The following COL6A6 variants were observed in gnomAD, a reference collection of about 807,000 sequenced individuals.
COL6A6 encodes the protein collagen type VI alpha 6 chain, also known as collagen alpha-6(VI) chain.
In COL6A6, 183 loss-of-function variants were observed where a neutral mutation model predicts 208.6. That is an observed-to-expected ratio of 0.88 (90% confidence interval 0.78 to 0.99). COL6A6 has a LOEUF of 0.99. Among genes scored for constraint, COL6A6 ranks in the 50% least tolerant of loss-of-function variants. COL6A6 has a pLI of 0.00. For synonymous variants in COL6A6, 973 were observed against 1,011.8 expected (o/e 0.96, Z 0.73); for missense variants, 2,816 against 2,815.2 (o/e 1.00, Z -0.01).
At chr3:130,658,826 C>A in intron 34 of COL6A6, 54 bp downstream of exon 34, 2 of 1,281,340 alleles carry the variant, frequency 1.6e-6, no homozygotes, top group South Asian at 1.3e-5. Context: ...CATGATGAGT[C>A]ACCACTGGCA....
rs2063436729 is a variant in COL6A6, at chr3:130,582,016, G to A, written c.3918G>A (p.Leu1306=). The A allele has an allele frequency of 6.2e-7, 1 of 1,609,934 alleles. No homozygotes were observed. Among genetic ancestry groups the A allele is most frequent in the Non-Finnish European group, 8.5e-7 (1 of 1,177,614 alleles). The change falls in exon 10 of 37, where the codon TTG becomes TTA. Residue 1306 remains leucine (L), a synonymous_variant. Coordinates refer to ENST00000358511, the MANE Select transcript of COL6A6 (RefSeq NM_001102608.3). ...TGGTCCTTTTATTTTCAGATGGATT[G>A]GATGATGATGTTGAGAAACTTGAAC... The part of the protein sequence containing the change: ...GKVVLLFSDG[L]DDDVEKLEQK...
intron 18 of COL6A6, among the ~76,000 whole-genome samples, chr3:130,594,907 TACTC>T (rs921450740): frequency 2.7e-4 from 41 of 152,264 alleles, no homozygotes; most frequent in African/African-American, 9.1e-4. Flanking sequence ...CCATGAGACT[TACTC>T]ACTACCACAA....
intron 10 of COL6A6, among the ~76,000 whole-genome samples, chr3:130,582,843 G>A (rs935646018): frequency 6.6e-6 from 1 of 152,126 alleles, no homozygotes; most frequent in Admixed American, 6.5e-5. Flanking sequence ...CTGGAAGGTT[G>A]CTGTCCACCC....
Position 130,571,370 on chromosome 3 carries a change from G to T in COL6A6, c.2954G>T (p.Ser985Ile), listed in dbSNP as rs1224847954. The T allele has an allele frequency of 2.5e-6, 4 of 1,590,718 alleles. No homozygotes were observed. Among genetic ancestry groups the T allele is most frequent in the Non-Finnish European group, 3.4e-6 (4 of 1,170,076 alleles). Residue 985 changes from serine (S) to isoleucine (I), a missense_variant, in exon 7 of 37, where the codon AGT (serine) becomes ATT (isoleucine). By Grantham distance (142) the Ser-to-Ile change is moderately radical. Transcript: ENST00000358511. The part of the protein sequence containing the change: ...LKGIFSDVTA[S>I]VCNSSKVDCE... Reference sequence around the variant, plus strand: ...GGAATATTTTCAGATGTGACAGCCAGTGTCTGCAACTCTTCAAAAGTAGGT... The same window carrying T: ...GGAATATTTTCAGATGTGACAGCCATTGTCTGCAACTCTTCAAAAGTAGGT...
At chr3:130,534,476 C>G (rs1331364102) in intron 1 of COL6A6, among the ~76,000 whole-genome samples, 1 of 152,088 alleles carries the variant, frequency 6.6e-6, no homozygotes, top group Non-Finnish European at 1.5e-5. Flanking sequence ...TTCACCAATC[C>G]TCTCCTTTAT....
intron 18 of COL6A6, among the ~76,000 whole-genome samples, chr3:130,596,931 T>C (rs765081874): frequency 1.1e-4 from 16 of 152,344 alleles, no homozygotes; most frequent in Non-Finnish European, 1.9e-4. Flanking sequence ...TAATTGTAAA[T>C]TTGTGGAAGA....
At position 130,566,796 on chromosome 3, in the gene COL6A6, G is replaced by T; in HGVS notation, c.1377G>T (p.Leu459=). ...ATDFHEMKTF[L]SEVVGMFNIA... is the part of the protein sequence containing the mutation. ...ATTTCCATGAAATGAAGACGTTCCT[G>T]TCAGAGGTGGTAGGGATGTTCAACA... Residue 459 remains leucine, a synonymous_variant, in exon 5 of 37, where the codon CTG becomes CTT. Coordinates refer to ENST00000358511, the MANE Select transcript of COL6A6 (RefSeq NM_001102608.3). 2 of 1,614,026 alleles carry T rather than the reference G, an allele frequency of 1.2e-6. No homozygotes were observed. Among genetic ancestry groups the T allele is most frequent in the South Asian group, 2.2e-5 (2 of 91,080 alleles).
chr3:130,581,644 G>A lies in COL6A6; in HGVS notation c.3631G>A (p.Glu1211Lys). ...TTTGCTTGAAGGTCAGCCTTGGATGGAAACCTACCTTCAAGACATCTTACG... is the reference window on the plus strand; with the variant it reads ...TTTGCTTGAAGGTCAGCCTTGGATGAAAACCTACCTTCAAGACATCTTACG... ...QTLLEGQPWMETYLQDILRAI... is the reference protein window; with the variant it reads ...QTLLEGQPWMKTYLQDILRAI... Residue 1211 changes from glutamate (E) to lysine (K), a missense_variant, in exon 9 of 37, where the codon GAA (glutamate) becomes AAA (lysine). Transcript: ENST00000358511. 6.2e-7 allele frequency: 1 copy of A among 1,613,998 alleles called. No individual in the cohort carries two copies. The highest frequency in any genetic ancestry group is 1.6e-4 in the Middle Eastern group (1 of 6,062).
rs372572663 is a variant in COL6A6, at chr3:130,526,961, A to G, written c.-32+9564A>G. 6.6e-5 allele frequency among the ~76,000 whole-genome samples: 10 copies of G among 152,330 alleles called. No homozygotes were observed. In the East Asian group the frequency reaches 1.9e-3, roughly 29 times the overall value. On this transcript the variant is annotated intron_variant, in intron 1 of 36. Coordinates refer to ENST00000358511, the MANE Select transcript of COL6A6 (RefSeq NM_001102608.3). Reference sequence around the variant, plus strand: ...AAACTAAAACGATCTTATTCTATAGATAAGGAAAATCGGTCTCCGAGAGTT... The same window carrying G: ...AAACTAAAACGATCTTATTCTATAGGTAAGGAAAATCGGTCTCCGAGAGTT...
chr3:130,529,146 T>G (rs1198291386), intron 1 of COL6A6, among the ~76,000 whole-genome samples: 1 of 152,110 alleles, frequency 6.6e-6, no homozygotes, highest in East Asian at 1.9e-4. Context: ...TGATAGCCCC[T>G]TATTCTCTTT....
chr3:130,553,671 T>G (rs1035597451), intron 1 of COL6A6, among the ~76,000 whole-genome samples: 1 of 152,106 alleles, frequency 6.6e-6, no homozygotes, highest in African/African-American at 2.4e-5. Context: ...AGTTTCAATC[T>G]GGGTAAGAAC....
Position 130,675,390 on chromosome 3 carries a change from A to G in COL6A6, c.6785A>G (p.His2262Arg). ...ATGATAGAAAGTGCTCCCAAACAAC[A>G]TGATTAAAAAAATGCTTGAACAACT... ...GRMIESAPKQHD is the reference protein window; with the variant it reads ...GRMIESAPKQRD The change falls in exon 37 of 37, where the codon CAT becomes CGT. Residue 2262 changes from histidine (H) to arginine (R), a missense_variant. Transcript: ENST00000358511. The G allele has an allele frequency of 3.8e-6, 6 of 1,574,654 alleles. No homozygotes were observed. Among genetic ancestry groups the G allele is most frequent in the Non-Finnish European group, 4.3e-6 (5 of 1,161,950 alleles).
Position 130,627,356 on chromosome 3 carries a change from G to A in COL6A6, c.4979G>A (p.Arg1660His), listed in dbSNP as rs758304492. 20 of 1,613,582 alleles carry A rather than the reference G, an allele frequency of 1.2e-5. No homozygotes were observed. Among genetic ancestry groups the A allele is most frequent in the Admixed American group, 5.0e-5 (3 of 59,992 alleles). Residue 1660 changes from arginine (R) to histidine (H), a missense_variant, in exon 26 of 37, where the codon CGC becomes CAC. Coordinates refer to ENST00000358511, the MANE Select transcript of COL6A6 (RefSeq NM_001102608.3). Reference protein sequence around the residue: ...DGSPGYGSVGRKGAKGQEGFP... With the variant: ...DGSPGYGSVGHKGAKGQEGFP... ...AGTCCAGGTTATGGTAGTGTCGGAC[G>A]CAAGGGAGCAAAGGTAAGTCAAGTC... is the stretch of plus-strand genomic sequence containing the variant.
At chr3:130,584,591 CTTTTT>C (rs1042540522) in intron 10 of COL6A6, among the ~76,000 whole-genome samples, 1 of 151,868 alleles carries the variant, frequency 6.6e-6, no homozygotes, top group Non-Finnish European at 1.5e-5. Flanking sequence ...TTTGTTCTTT[CTTTTT>C]TTATTTTTTT....
chr3:130,595,756 A>G (rs2063833323), intron 18 of COL6A6, among the ~76,000 whole-genome samples: 1 of 152,218 alleles, frequency 6.6e-6, no homozygotes, highest in South Asian at 2.1e-4. Context: ...TAGTGCTGCT[A>G]TGAATATTCT....
At chr3:130,610,264 C>T (rs1414472296) in intron 22 of COL6A6, among the ~76,000 whole-genome samples, 1 of 152,068 alleles carries the variant, frequency 6.6e-6, no homozygotes, top group East Asian at 1.9e-4. Flanking sequence ...TATGACCAGT[C>T]TTCAGTGTGG....
At chr3:130,525,898 G>A (rs2061951358) in intron 1 of COL6A6, among the ~76,000 whole-genome samples, 1 of 152,100 alleles carries the variant, frequency 6.6e-6, no homozygotes. Flanking sequence ...TTCCCTCAAA[G>A]AAGCCTTCCC....
At chr3:130,605,184 A>G (rs2064146756) in intron 20 of COL6A6, among the ~76,000 whole-genome samples, 1 of 152,148 alleles carries the variant, frequency 6.6e-6, no homozygotes, top group Non-Finnish European at 1.5e-5. Flanking sequence ...TGAAACACCC[A>G]TCTCAAAAAT....
rs375219376 is a variant in COL6A6 at position 130,581,726 on chromosome 3, G to A, written c.3713G>A (p.Ser1238Asn). 5 of 1,613,860 alleles carry A rather than the reference G, an allele frequency of 3.1e-6. No homozygotes were observed. The African/African-American group carries it at 5.3e-5, about 17-fold the overall frequency. Reference protein sequence around the residue: ...SCEVGTETQVSVAFQVTNAME... With the variant: ...SCEVGTETQVNVAFQVTNAME... ...GAGGTGGGCACAGAGACTCAGGTCAGTGTGGCTTTTCAAGTGACCAATGCC... is the reference window on the plus strand; with the variant it reads ...GAGGTGGGCACAGAGACTCAGGTCAATGTGGCTTTTCAAGTGACCAATGCC... The change falls in exon 9 of 37, where the codon AGT (serine) becomes AAT (asparagine). Residue 1238 changes from serine (S) to asparagine (N), a missense_variant. Physicochemically the swap from Ser to Asn is conservative, Grantham distance 46. Transcript: ENST00000358511.
Sources: allele counts gnomAD v4.1 joint callset (sites outside exome capture counted in the v4.1 genomes callset), GRCh38; gene constraint gnomAD v4.1.1; transcripts MANE v1.5; gene names NCBI Gene and HGNC (gene_info 2026-07-23, HGNC 2026-07-21).